DLGAP2: variants seen among roughly 807,000 people sequenced by gnomAD.
DLGAP2 encodes the protein DLG associated protein 2, also known as disks large-associated protein 2.
A neutral mutation model predicts 100.3 loss-of-function variants in DLGAP2; 26 were observed. The ratio of observed to expected loss-of-function variants is 0.26; its 90% confidence interval spans 0.19 to 0.36. The LOEUF (loss-of-function observed/expected upper bound fraction) is 0.36. Among genes scored for constraint, DLGAP2 ranks in the 10% least tolerant of loss-of-function variants. DLGAP2 has a pLI of 1.00. For synonymous variants in DLGAP2, 886 were observed against 630.1 expected (o/e 1.41, Z -6.08); for missense variants, 1,858 against 1,453.2 (o/e 1.28, Z -4.53).
At chr8:1,027,359 C>T (rs1255196229) in intron 2 of DLGAP2, among the ~76,000 whole-genome samples, 1 of 151,384 alleles carries the variant, frequency 6.6e-6, no homozygotes, top group East Asian at 1.9e-4. Context: ...TACCAGGTGC[C>T]CGTTATTCTC....
chr8:1,523,015 G>T (rs987635088), intron 4 of DLGAP2, among the ~76,000 whole-genome samples: 1 of 152,184 alleles, frequency 6.6e-6, no homozygotes, highest in African/African-American at 2.4e-5. Context: ...AGGACCAGGG[G>T]CAGCTGGAGA....
At chr8:1,134,985 T>G (rs1213537958) in intron 2 of DLGAP2, among the ~76,000 whole-genome samples, 2 of 152,186 alleles carry the variant, frequency 1.3e-5, no homozygotes, top group Non-Finnish European at 2.9e-5. Context: ...CAAACTCTAT[T>G]GATTAAACTT....
At chr8:1,201,294 G>A (rs1027496399) in intron 2 of DLGAP2, among the ~76,000 whole-genome samples, 1 of 152,194 alleles carries the variant, frequency 6.6e-6, no homozygotes, top group Non-Finnish European at 1.5e-5. Flanking sequence ...CAGCATCCCC[G>A]CGCAGGTGTG....
chr8:930,739 T>G (rs541228876), intron 2 of DLGAP2, among the ~76,000 whole-genome samples: 1 of 152,300 alleles, frequency 6.6e-6, no homozygotes, highest in East Asian at 1.9e-4. Context: ...TTCCTCCCGC[T>G]GTCTTCCAGA....
chr8:981,999 G>T (rs945053015), intron 2 of DLGAP2, among the ~76,000 whole-genome samples: 1 of 152,160 alleles, frequency 6.6e-6, no homozygotes, highest in Non-Finnish European at 1.5e-5. Context: ...AGTCATCTCT[G>T]GGCAGTGCTG....
rs1281755983 is a variant in DLGAP2 at position 1,294,195 on chromosome 8, C to CT, written c.106+35312_106+35313insT. Among the ~76,000 whole-genome samples the CT allele has an allele frequency of 2.6e-5, 4 of 152,172 alleles. 1 individual carries two copies. The highest frequency in any genetic ancestry group is 2.0e-4 in the Admixed American group (3 of 15,282). On this transcript the variant is annotated intron_variant, in intron 3 of 14. Coordinates refer to ENST00000637795, the MANE Select transcript of DLGAP2 (RefSeq NM_001346810.2). Reference sequence around the variant, plus strand: ...CAGGGTCCCACAGGGCCCACACATCCCCTCCCACCTCTCCCCTTGCCAGTC... The same window carrying CT: ...CAGGGTCCCACAGGGCCCACACATCCTCCTCCCACCTCTCCCCTTGCCAGTC...
At chr8:1,431,928 G>A (rs929490806) in intron 3 of DLGAP2, among the ~76,000 whole-genome samples, 16 of 150,882 alleles carry the variant, frequency 1.1e-4, no homozygotes, top group Admixed American at 6.6e-4. Flanking sequence ...GAACCCTGCC[G>A]GCACCCAGCA....
intron 3 of DLGAP2, among the ~76,000 whole-genome samples, chr8:1,416,659 G>T (rs4495454): frequency 6.6e-6 from 1 of 151,882 alleles, no homozygotes; most frequent in Non-Finnish European, 1.5e-5. Context: ...CTCTGTTTCT[G>T]TGTTGACATT....
chr8:1,194,853 C>G (rs1797715631), intron 2 of DLGAP2, among the ~76,000 whole-genome samples: 1 of 152,186 alleles, frequency 6.6e-6, no homozygotes, highest in Admixed American at 6.5e-5. Context: ...GTTCTTCGCT[C>G]AGTCTCAGAC....
intron 3 of DLGAP2, among the ~76,000 whole-genome samples, chr8:1,419,049 G>T (rs149075806): frequency 2.0e-5 from 3 of 152,258 alleles, no homozygotes; most frequent in Admixed American, 6.5e-5. Flanking sequence ...TGGACTCTCC[G>T]TGCCCTCTCT....
intron 2 of DLGAP2, among the ~76,000 whole-genome samples, chr8:1,148,162 T>C (rs1796638476): frequency 6.6e-6 from 1 of 152,192 alleles, no homozygotes. Flanking sequence ...GTTAAGATTT[T>C]TTTATTTCTT....
At chr8:963,050 A>G (rs1271850564) in intron 2 of DLGAP2, among the ~76,000 whole-genome samples, 1 of 152,112 alleles carries the variant, frequency 6.6e-6, no homozygotes, top group Non-Finnish European at 1.5e-5. Flanking sequence ...CTCATCCGGG[A>G]CTGTGTGGGC....
chr8:1,545,164 T>G (rs992720174), intron 4 of DLGAP2, among the ~76,000 whole-genome samples: 6 of 152,198 alleles, frequency 3.9e-5, no homozygotes, highest in Non-Finnish European at 8.8e-5. Context: ...CTTGGAAGCA[T>G]TCCTGCCTAT....
chr8:1,084,725 C>G (rs59371859), intron 2 of DLGAP2, among the ~76,000 whole-genome samples: 4,373 of 152,328 alleles, frequency 0.029, 178 homozygotes, highest in African/African-American at 0.098. Flanking sequence ...TCTTTTGAGG[C>G]TGAATATTGT....
At chr8:1,303,424 AAAAG>A (rs1384704204) in intron 3 of DLGAP2, among the ~76,000 whole-genome samples, 7 of 118,488 alleles carry the variant, frequency 5.9e-5, no homozygotes, top group Non-Finnish European at 9.2e-5. Flanking sequence ...AAAAAAAAAA[AAAAG>A]GAAGGAGAAG....
chr8:1,259,596 G>A (rs183013296), intron 3 of DLGAP2: 2 of 152,340 alleles, frequency 1.3e-5, no homozygotes, highest in East Asian at 3.9e-4. Flanking sequence ...AGTCAGCCTT[G>A]GGGAACTCGG....
At chr8:1,063,041 A>T (rs935107285) in intron 2 of DLGAP2, among the ~76,000 whole-genome samples, 3 of 152,190 alleles carry the variant, frequency 2.0e-5, no homozygotes, top group Non-Finnish European at 2.9e-5. Flanking sequence ...GTGTTTTTCT[A>T]TGCAAGCAAT....
chr8:1,431,639 G>C (rs1301441577), intron 3 of DLGAP2, among the ~76,000 whole-genome samples: 1 of 148,106 alleles, frequency 6.8e-6, no homozygotes, highest in Non-Finnish European at 1.5e-5. Context: ...CGCTGGCGTG[G>C]TGATGAGACC....
chr8:1,010,917 G>A (rs989178316), intron 2 of DLGAP2, among the ~76,000 whole-genome samples: 26 of 151,332 alleles, frequency 1.7e-4, no homozygotes, highest in Non-Finnish European at 3.0e-4. Context: ...TACACAGTGG[G>A]CCCCAGGCGA....
Sources: gnomAD v4.1 joint callset for allele counts (sites outside exome capture counted in the v4.1 genomes callset) on GRCh38, gnomAD v4.1.1 for gene constraint, MANE v1.5 for transcripts, NCBI Gene and HGNC (gene_info 2026-07-23, HGNC 2026-07-21) for gene names.